SENP5: variants seen among roughly 807,000 people sequenced by gnomAD.
SENP5 encodes sentrin-specific protease 5.
In SENP5, 21 loss-of-function variants were observed where a neutral mutation model predicts 74.2. The ratio of observed to expected loss-of-function variants is 0.28; its 90% CI spans 0.20 to 0.41. The LOEUF is 0.41. SENP5 is among the 10% of genes least tolerant of loss of function. The probability of loss-of-function intolerance (pLI) is 1.00; values close to 1 mark genes in which losing one functional copy is unlikely to be tolerated. For missense variants in SENP5, 717 were observed against 889.1 expected (o/e 0.81, Z 2.46); for synonymous variants, 311 against 312.7 (o/e 0.99, Z 0.06).
At chr3:196,898,648 C>T (rs896554789) in intron 2 of SENP5, among the ~76,000 whole-genome samples, 1 of 152,058 alleles carries the variant, frequency 6.6e-6, no homozygotes, top group Non-Finnish European at 1.5e-5. Flanking sequence ...GGTGTGGTGG[C>T]TCACGCCTGT....
chr3:196,903,971 A>G (rs1369623242), intron 6 of SENP5, among the ~76,000 whole-genome samples: 1 of 152,264 alleles, frequency 6.6e-6, no homozygotes, highest in African/African-American at 2.4e-5. Flanking sequence ...GGATCACTTG[A>G]GCACAAGCAT....
intron 6 of SENP5, among the ~76,000 whole-genome samples, chr3:196,912,127 G>A (rs1001000459): frequency 6.6e-6 from 1 of 152,150 alleles, no homozygotes; most frequent in Non-Finnish European, 1.5e-5. Flanking sequence ...ACATATGCGT[G>A]TGTATATTTA....
intron 5 of SENP5, among the ~76,000 whole-genome samples, chr3:196,902,575 G>A (rs544486050): frequency 6.6e-6 from 1 of 152,188 alleles, no homozygotes; most frequent in Non-Finnish European, 1.5e-5. Context: ...TGATAATTTG[G>A]ATTTCTAACA....
intron 1 of SENP5, among the ~76,000 whole-genome samples, chr3:196,880,698 A>G (rs1458589808): frequency 7.9e-5 from 11 of 139,128 alleles, no homozygotes; most frequent in African/African-American, 2.2e-4. Context: ...CTGGAGTGCA[A>G]TGGCGTGATT....
intron 5 of SENP5, among the ~76,000 whole-genome samples, chr3:196,903,060 G>T (rs1195659943): frequency 6.6e-6 from 1 of 152,188 alleles, no homozygotes; most frequent in East Asian, 1.9e-4. Flanking sequence ...GACCACAGCT[G>T]TAAGGTCATT....
chr3:196,882,496 T>C (rs1713768626), intron 1 of SENP5, among the ~76,000 whole-genome samples: 1 of 152,116 alleles, frequency 6.6e-6, no homozygotes, highest in Non-Finnish European at 1.5e-5. Context: ...TTCTTGGTCA[T>C]CCTTTATTTT....
Position 196,923,119 on chromosome 3 carries a change from T to C in SENP5, c.1885-295T>C, listed in dbSNP as rs76109335. ...GAGTTGAATCCAGGTTAAATATGTATATGAGAAAATGAGGTAAACAAGGAG... is the reference window on the plus strand; with the variant it reads ...GAGTTGAATCCAGGTTAAATATGTACATGAGAAAATGAGGTAAACAAGGAG... On this transcript the variant is annotated intron_variant, in intron 6 of 9. Transcript: ENST00000323460. Among the ~76,000 whole-genome samples the C allele has an allele frequency of 1.2e-3, 190 of 152,344 alleles. 7 individuals are homozygous for C. The East Asian group carries it at 0.031, about 25-fold the overall frequency.
chr3:196,885,263 T>C lies in SENP5; in HGVS notation c.82T>C (p.Phe28Leu). 1.2e-6 allele frequency: 2 copies of C among 1,614,152 alleles called. No homozygotes were observed. The highest frequency in any genetic ancestry group is 1.7e-6 in the Non-Finnish European group (2 of 1,180,030). The change falls in exon 2 of 10, where the codon TTT becomes CTT. Residue 28 changes from phenylalanine (F) to leucine (L), a missense_variant. Transcript: ENST00000323460. ...GAAATGGAATACTGGGTTTGGAGGC[T>C]TTAAGAAGTTTTATTTTCACCAACA... ...SEKWNTGFGG[F>L]KKFYFHQHLC... is the part of the protein sequence containing the mutation.
chr3:196,870,090 A>G (rs755430855), intron 1 of SENP5, among the ~76,000 whole-genome samples: 3 of 152,182 alleles, frequency 2.0e-5, no homozygotes, highest in Non-Finnish European at 4.4e-5. Context: ...ATCTGATTGA[A>G]GTAGATCACC....
intron 2 of SENP5, among the ~76,000 whole-genome samples, chr3:196,894,811 G>A (rs1247968391): frequency 6.6e-6 from 1 of 151,980 alleles, no homozygotes; most frequent in African/African-American, 2.4e-5. Flanking sequence ...TTGTCCCAAG[G>A]TAAATTTTGG....
chr3:196,878,981 G>C (rs928914900), intron 1 of SENP5, among the ~76,000 whole-genome samples: 1 of 152,096 alleles, frequency 6.6e-6, no homozygotes, highest in Non-Finnish European at 1.5e-5. Context: ...TTTTACATCT[G>C]TTCCCCACGT....
intron 6 of SENP5, among the ~76,000 whole-genome samples, chr3:196,904,418 G>A (rs1294478890): frequency 6.6e-6 from 1 of 152,200 alleles, no homozygotes; most frequent in African/African-American, 2.4e-5. Context: ...GATCAGGGAA[G>A]GAGGCAGGGA....
chr3:196,882,558 C>T (rs946832309), intron 1 of SENP5, among the ~76,000 whole-genome samples: 2 of 152,252 alleles, frequency 1.3e-5, no homozygotes, highest in South Asian at 4.1e-4. Context: ...GGCTAGACTG[C>T]AGTGGTGCGA....
intron 2 of SENP5, among the ~76,000 whole-genome samples, chr3:196,896,319 A>G (rs1714438117): frequency 6.6e-6 from 1 of 152,252 alleles, no homozygotes; most frequent in South Asian, 2.1e-4. Flanking sequence ...AAGTGGCATG[A>G]CATGATAGTT....
intron 2 of SENP5, among the ~76,000 whole-genome samples, chr3:196,897,326 T>C (rs1010553025): frequency 3.9e-5 from 6 of 152,172 alleles, no homozygotes; most frequent in African/African-American, 1.4e-4. Context: ...TAGTAAACAC[T>C]AGAGGCAAGT....
At chr3:196,878,716 C>T (rs1322487464) in intron 1 of SENP5, among the ~76,000 whole-genome samples, 1 of 152,086 alleles carries the variant, frequency 6.6e-6, no homozygotes, top group African/African-American at 2.4e-5. Flanking sequence ...CTCAGCCTCC[C>T]GAGTAGCTGA....
At chr3:196,868,283 C>T (rs546741465) in intron 1 of SENP5, among the ~76,000 whole-genome samples, 8 of 152,378 alleles carry the variant, frequency 5.3e-5, no homozygotes, top group Non-Finnish European at 7.3e-5. Context: ...GGGCCGCTGC[C>T]CTGCGCTCTC....
chr3:196,914,822 C>G (rs1715305913), intron 6 of SENP5, among the ~76,000 whole-genome samples: 1 of 151,694 alleles, frequency 6.6e-6, no homozygotes, highest in Non-Finnish European at 1.5e-5. Flanking sequence ...AACAGCATCT[C>G]AAGGAAAGAG....
chr3:196,904,442 C>G (rs7638191), intron 6 of SENP5, among the ~76,000 whole-genome samples: 100,489 of 152,070 alleles, frequency 0.66, 34,260 homozygotes, highest in Non-Finnish European at 0.75. Flanking sequence ...AGTCATGTGG[C>G]GCCATATAGG....
Sources: allele counts gnomAD v4.1 joint callset (sites outside exome capture counted in the v4.1 genomes callset), GRCh38; gene constraint gnomAD v4.1.1; transcripts MANE v1.5; gene names NCBI Gene and HGNC (gene_info 2026-07-23, HGNC 2026-07-21).